The following MACF1 variants were observed in gnomAD, a reference collection of about 807,000 sequenced individuals.
The protein encoded by MACF1 is microtubule-actin cross-linking factor 1.
Under a neutral mutation model 854.8 loss-of-function variants are expected in MACF1, and 193 were observed. The ratio of observed to expected loss-of-function variants is 0.23; its 90% CI spans 0.20 to 0.25. MACF1 has a LOEUF of 0.25. Among genes scored for constraint, MACF1 ranks in the 10% least tolerant of loss-of-function variants. The pLI is 1.00. For synonymous variants in MACF1, 3,185 were observed against 3,226.7 expected (o/e 0.99, Z 0.44); for missense variants, 7,722 against 8,929.1 (o/e 0.86, Z 5.45).
At chr1:39,153,070 G>C (rs1450424749) in intron 2 of MACF1, among the ~76,000 whole-genome samples, 1 of 152,196 alleles carries the variant, frequency 6.6e-6, no homozygotes, top group African/African-American at 2.4e-5. Flanking sequence ...GAGAGAAACT[G>C]TTCTTGCGGG....
chr1:39,127,178 C>T (rs1224146669), intron 2 of MACF1, among the ~76,000 whole-genome samples: 1 of 152,136 alleles, frequency 6.6e-6, no homozygotes, highest in Non-Finnish European at 1.5e-5. Flanking sequence ...GCTGAGATCA[C>T]GCCACTGCAC....
chr1:39,101,077 C>CGA (rs1642061627), intron 2 of MACF1, among the ~76,000 whole-genome samples: 1 of 150,920 alleles, frequency 6.6e-6, no homozygotes, highest in African/African-American at 2.4e-5. Context: ...AAATAGTTGG[C>CGA]CAGGTGCGGT....
At chr1:39,288,739 C>T (rs956491921) in intron 15 of MACF1, among the ~76,000 whole-genome samples, 1 of 152,114 alleles carries the variant, frequency 6.6e-6, no homozygotes, top group East Asian at 1.9e-4. Flanking sequence ...TGCAAGTGAG[C>T]CAAGATCGCA....
intron 49 of MACF1, among the ~76,000 whole-genome samples, chr1:39,362,609 G>C (rs1310601211): frequency 6.6e-6 from 1 of 151,986 alleles, no homozygotes; most frequent in Non-Finnish European, 1.5e-5. Flanking sequence ...GTCTCCTGTG[G>C]CTTTTTGACA....
intron 58 of MACF1, among the ~76,000 whole-genome samples, chr1:39,392,497 C>A (rs1389175541): frequency 1.3e-5 from 2 of 152,064 alleles, no homozygotes; most frequent in Non-Finnish European, 1.5e-5. Context: ...TTAAAAACAG[C>A]ATTAGCTGTA....
chr1:39,422,990 GT>G, intron 60 of MACF1, 90 bp downstream of exon 60: 1 of 1,188,546 alleles, frequency 8.4e-7, no homozygotes, highest in Non-Finnish European at 1.2e-6. Flanking sequence ...CAGTTCAGGA[GT>G]TTTAGTAGAA....
intron 6 of MACF1, among the ~76,000 whole-genome samples, chr1:39,267,043 A>G (rs2148353517): frequency 6.6e-6 from 1 of 152,352 alleles, no homozygotes; most frequent in South Asian, 2.1e-4. Context: ...TTACCAATTC[A>G]GAACAGTGGG....
intron 17 of MACF1, 59 bp downstream of exon 17, chr1:39,292,902 C>A: frequency 1.4e-6 from 2 of 1,382,436 alleles, no homozygotes; most frequent in African/African-American, 1.4e-5. Context: ...CCCCAATCAA[C>A]TCTCTTCCGT....
chr1:39,205,451 CTCTT>C (rs1341942454), intron 1 of MACF1, among the ~76,000 whole-genome samples: 2 of 152,162 alleles, frequency 1.3e-5, no homozygotes, highest in East Asian at 1.9e-4. Flanking sequence ...GAGAACTGAG[CTCTT>C]TCTTTCTCAA....
chr1:39,208,500 C>A (rs920059772), intron 1 of MACF1, among the ~76,000 whole-genome samples: 1 of 152,148 alleles, frequency 6.6e-6, no homozygotes, highest in East Asian at 1.9e-4. Flanking sequence ...GTCACCCAGG[C>A]TGGAGTACAG....
intron 20 of MACF1, 145 bp from the exon 21 acceptor site, chr1:39,297,475 G>T: frequency 1.0e-6 from 1 of 976,522 alleles, no homozygotes; most frequent in Non-Finnish European, 1.5e-6. Context: ...TTATGTTTCA[G>T]TGGTCCTTGT....
intron 2 of MACF1, among the ~76,000 whole-genome samples, chr1:39,235,071 A>C (rs1184270930): frequency 6.8e-6 from 1 of 146,054 alleles, no homozygotes. Context: ...ATGGGCGGCC[A>C]GGCAGAGACG....
chr1:39,154,428 A>C (rs1166321831), intron 2 of MACF1: 1 of 152,132 alleles, frequency 6.6e-6, no homozygotes, highest in Non-Finnish European at 1.5e-5. Context: ...TGATTGAATG[A>C]ATTCCTTGAT....
At chr1:39,257,865 G>A in intron 5 of MACF1, 71 bp from the exon 6 acceptor site, 1 of 1,100,664 alleles carries the variant, frequency 9.1e-7, no homozygotes, top group Non-Finnish European at 1.4e-6. Context: ...AATCAATAAT[G>A]AAGTGATGCA....
rs530633124 is a variant in MACF1, at chr1:39,297,717, G to A, written c.2453G>A (p.Arg818His). ...TGTGACCACAACACCAGCTTATCCCGCCTTGAAGACCTGCTCCAGGACTCC... is the reference window on the plus strand; with the variant it reads ...TGTGACCACAACACCAGCTTATCCCACCTTGAAGACCTGCTCCAGGACTCC... ...YSCDHNTSLS[R>H]LEDLLQDSMD... Residue 818 changes from arginine to histidine, a missense_variant, in exon 21 of 101, where the codon CGC (arginine) becomes CAC (histidine). Coordinates refer to ENST00000564288, the MANE Select transcript of MACF1 (RefSeq NM_001394062.1). 1.1e-5 allele frequency: 17 copies of A among 1,614,080 alleles called. No individual in the cohort carries two copies. Among genetic ancestry groups the A allele is most frequent in the Middle Eastern group, 3.3e-4 (2 of 6,062 alleles).
chr1:39,105,778 C>A lies in MACF1; in HGVS notation c.220+21340C>A, dbSNP rs1290377442. 3.9e-6 allele frequency: 4 copies of A among 1,029,734 alleles called. No homozygotes were observed. The highest frequency in any genetic ancestry group is 1.7e-5 in the African/African-American group (1 of 57,730). 63.8% of individuals were successfully genotyped at this position (1,029,734 alleles called of 1,614,324 possible). On this transcript the variant is annotated intron_variant, in intron 2 of 93. Transcript: ENST00000361689. The surrounding 1 kb of genome is among the most constrained non-coding windows in gnomAD (Gnocchi z 5.9). ...GGCCGGCGCAGCGTGGCCTTCGGAG[C>A]CGGTCGGCTCGGCGGCTGCAGGTGG...
intron 1 of MACF1, chr1:39,206,521 T>C (rs183490990): frequency 2.6e-5 from 4 of 152,372 alleles, no homozygotes; most frequent in Non-Finnish European, 5.9e-5. Context: ...TTAATGGAAC[T>C]TAAGAGCTAT....
chr1:39,270,622 A>G (rs1057113041), intron 6 of MACF1, among the ~76,000 whole-genome samples: 3 of 152,166 alleles, frequency 2.0e-5, no homozygotes, highest in Non-Finnish European at 2.9e-5. Context: ...TTGAAGTTAT[A>G]ATTCACCAAT....
intron 2 of MACF1, among the ~76,000 whole-genome samples, chr1:39,242,153 G>A (rs956436601): frequency 6.6e-6 from 1 of 152,070 alleles, no homozygotes; most frequent in Non-Finnish European, 1.5e-5. Flanking sequence ...TTCAAGACCA[G>A]CCTGGCCAAC....
Sources: allele counts gnomAD v4.1 joint callset (sites outside exome capture counted in the v4.1 genomes callset), GRCh38; gene constraint gnomAD v4.1.1; non-coding constraint Gnocchi (gnomAD v3.1); transcripts MANE v1.5; gene names NCBI Gene and HGNC (gene_info 2026-07-23, HGNC 2026-07-21).